STAT1: variants seen among roughly 807,000 people sequenced by gnomAD.
STAT1 encodes signal transducer and activator of transcription 1.
STAT1 carries 24 observed loss-of-function variants against 111.7 expected under a neutral mutation model. That is an observed-to-expected ratio of 0.21 (90% confidence interval 0.16 to 0.30). STAT1 has a LOEUF of 0.30. Ranked by LOEUF, STAT1 falls within the 10% of genes least tolerant of loss-of-function variation. The probability of loss-of-function intolerance (pLI) is 1.00; values close to 1 mark genes in which losing one functional copy is unlikely to be tolerated. For synonymous variants in STAT1, 332 were observed against 326.5 expected (o/e 1.02, Z -0.18); for missense variants, 351 against 911.9 (o/e 0.38, Z 7.92).
Position 190,995,204 on chromosome 2 carries a change from C to T in STAT1, c.801G>A (p.Ala267=), listed in dbSNP as rs146141778. The T allele has an allele frequency of 3.0e-5, 48 of 1,613,868 alleles. No individual in the cohort carries two copies. The East Asian group carries it at 4.0e-4, about 13-fold the overall frequency. ...DQLQNWFTIV[A]ESLQQVRQQL... ...GCTGCCGAACTTGCTGCAGACTCTC[C>T]GCAACTATAGTGAACCTGGGAAGAC... The change falls in exon 10 of 25, where the codon GCG becomes GCA. Residue 267 remains alanine, a synonymous_variant. Coordinates refer to ENST00000361099, the MANE Select transcript of STAT1 (RefSeq NM_007315.4). This position sits in a 1 kb window ranked among gnomAD's most constrained non-coding sequence, Gnocchi z 4.2.
rs1477711738 is a variant in STAT1 at position 190,999,211 on chromosome 2, A to G, written c.541+415T>C. Among the ~76,000 whole-genome samples, 1 of 152,154 alleles carries G rather than the reference A, an allele frequency of 6.6e-6. No individual in the cohort carries two copies. Among genetic ancestry groups the G allele is most frequent in the Non-Finnish European group, 1.5e-5 (1 of 68,022 alleles). Reference sequence around the variant, plus strand: ...GAAACCTGAGATATTAGGGCAGGGGAACTCCACATATCTATCGCTCTGTGT... The same window carrying G: ...GAAACCTGAGATATTAGGGCAGGGGGACTCCACATATCTATCGCTCTGTGT... On this transcript the variant is annotated intron_variant, in intron 7 of 24. Transcript: ENST00000361099. The surrounding 1 kb of genome is among the most constrained non-coding windows in gnomAD (Gnocchi z 4.1).
Position 190,973,732 on chromosome 2 carries a change from A to G in STAT1, c.2238+1098T>C, listed in dbSNP as rs768178130. On this transcript the variant is annotated intron_variant, in intron 24 of 24. Coordinates refer to ENST00000361099, the MANE Select transcript of STAT1 (RefSeq NM_007315.4). The surrounding 1 kb of genome is among the most constrained non-coding windows in gnomAD (Gnocchi z 4.4). ...GGAATGAAACTATTTCGCTGCCACA[A>G]TAGCTAACTGTTTTTCTAAATGGCC... Among the ~76,000 whole-genome samples the G allele has an allele frequency of 3.9e-5, 6 of 152,202 alleles. No individual in the cohort carries two copies. The highest frequency in any genetic ancestry group is 1.4e-4 in the African/African-American group (6 of 41,456).
rs1693966861 is a variant in STAT1, at chr2:190,997,777, T to C, written c.785+79A>G. The C allele has an allele frequency of 1.2e-6, 2 of 1,600,152 alleles. No individual in the cohort carries two copies. The highest frequency in any genetic ancestry group is 8.5e-7 in the Non-Finnish European group (1 of 1,171,590). On this transcript the variant is annotated intron_variant, in intron 9 of 24. Transcript: ENST00000361099. The surrounding 1 kb of genome is among the most constrained non-coding windows in gnomAD (Gnocchi z 7.3). ...AATGTTTTGACAGGGTCCATTCAAC[T>C]AACACAGCTCAAAGGTACATTTATG...
In STAT1 at chr2:190,994,953, TATATAA is replaced by T. The variant is rs377537988; in HGVS notation, c.944+102_944+107del. ...ATATATATATATATATATATATATA[TATATAA>T]AAAACACCTATTAAACCCTTGTAAA... On this transcript the variant is annotated intron_variant, in intron 10 of 24. Transcript: ENST00000361099. 1,236 of 404,662 alleles carry T rather than the reference TATATAA, an allele frequency of 3.1e-3. 44 individuals are homozygous for T. Among genetic ancestry groups the T allele is most frequent in the African/African-American group, 0.012 (474 of 38,040 alleles). The allele number at this position is 404,662 out of a possible 1,614,324, so 25.1% of individuals were successfully genotyped here.
chr2:190,988,911 G>C (rs967309241), intron 12 of STAT1, among the ~76,000 whole-genome samples: 3 of 150,398 alleles, frequency 2.0e-5, no homozygotes, highest in South Asian at 2.1e-4. Context: ...TGGGAGGGGT[G>C]GGGGGGGAGC....
At chr2:190,994,475 G>C (rs1294987757) in intron 10 of STAT1, among the ~76,000 whole-genome samples, 1 of 152,088 alleles carries the variant, frequency 6.6e-6, no homozygotes, top group Non-Finnish European at 1.5e-5. Flanking sequence ...CATGAGGAGG[G>C]GAGAGGAGGA....
chr2:191,009,779 T>G, intron 3 of STAT1, 97 bp downstream of exon 3: 2 of 1,495,234 alleles, frequency 1.3e-6, no homozygotes, highest in Non-Finnish European at 1.9e-6. Flanking sequence ...TGGCCATTGA[T>G]GGAATTCATC....
Position 190,994,947 on chromosome 2 carries a change from TATATATATATAA to T in STAT1, c.944+102_944+113del, listed in dbSNP as rs1369446542. The T allele has an allele frequency of 1.7e-4, 63 of 378,060 alleles. 1 individual carries two copies. Among genetic ancestry groups the T allele is most frequent in the Middle Eastern group, 8.8e-4 (1 of 1,140 alleles). The allele number at this position is 378,060 out of a possible 1,614,324, so 23.4% of individuals were successfully genotyped here. A position where few individuals can be genotyped will look rare whatever the true frequency, so the allele number is the denominator to read the frequency against. On this transcript the variant is annotated intron_variant, in intron 10 of 24. Transcript: ENST00000361099. ...AAAAAAATATATATATATATATATA[TATATATATATAA>T]AAAACACCTATTAAACCCTTGTAAA...
chr2:190,993,200 C>G lies in STAT1; in HGVS notation c.944+1861G>C, dbSNP rs1693521684. 1 of 542,902 alleles carries G rather than the reference C, an allele frequency of 1.8e-6. No individual in the cohort carries two copies. Among genetic ancestry groups the G allele is most frequent in the Admixed American group, 2.8e-5 (1 of 36,280 alleles). 33.6% of individuals were successfully genotyped at this position (542,902 alleles called of 1,614,324 possible). A position where few individuals can be genotyped will look rare whatever the true frequency, so the allele number is the denominator to read the frequency against. On this transcript the variant is annotated intron_variant, in intron 10 of 24. Coordinates refer to ENST00000361099, the MANE Select transcript of STAT1 (RefSeq NM_007315.4). This position sits in a 1 kb window ranked among gnomAD's most constrained non-coding sequence, Gnocchi z 4.1. The stretch of plus-strand genomic sequence containing the variant: ...CTCTGTGGTCAGATCACACTTGTTC[C>G]CTACCAACAATTTGTTGACGTTTTC...
Position 191,004,256 on chromosome 2 carries a change from A to T in STAT1, c.373-3093T>A, listed in dbSNP as rs191375011. ...TAACTTTTTAACTTTCTAAGAAACC[A>T]GGAGTACTGAAACCACGGGAATTTC... On this transcript the variant is annotated intron_variant, in intron 5 of 24. Coordinates refer to ENST00000361099, the MANE Select transcript of STAT1 (RefSeq NM_007315.4). This position sits in a 1 kb window ranked among gnomAD's most constrained non-coding sequence, Gnocchi z 5.0. Among the ~76,000 whole-genome samples the T allele has an allele frequency of 1.8e-3, 278 of 152,336 alleles. No individual in the cohort carries two copies. The highest frequency in any genetic ancestry group is 0.013 in the South Asian group (62 of 4,832).
At chr2:191,001,982 A>T (rs1437575779) in intron 5 of STAT1, among the ~76,000 whole-genome samples, 1 of 152,186 alleles carries the variant, frequency 6.6e-6, no homozygotes, top group South Asian at 2.1e-4. Flanking sequence ...AACCTTTCTT[A>T]CACAGTGCCC....
rs764609209 is a variant in STAT1 at position 190,992,628 on chromosome 2, G to C, written c.945-1308C>G. On this transcript the variant is annotated intron_variant, in intron 10 of 24. Transcript: ENST00000361099. Reference sequence around the variant, plus strand: ...AAATTTATTACTGTGAGAAAAGGATGGAGGCAAATTTTAGCAGGAACCTCC... The same window carrying C: ...AAATTTATTACTGTGAGAAAAGGATCGAGGCAAATTTTAGCAGGAACCTCC... 246 of 1,134,064 alleles carry C rather than the reference G, an allele frequency of 2.2e-4. 1 individual carries two copies. The highest frequency in any genetic ancestry group is 2.7e-4 in the Non-Finnish European group (239 of 878,414). The allele number at this position is 1,134,064 out of a possible 1,614,324, so 70.3% of individuals were successfully genotyped here. A position where few individuals can be genotyped will look rare whatever the true frequency, so the allele number is the denominator to read the frequency against.
Position 190,984,262 on chromosome 2 carries a change from A to G in STAT1, c.1347+48T>C, listed in dbSNP as rs746424323. On this transcript the variant is annotated intron_variant, in intron 16 of 24. Transcript: ENST00000361099. This position sits in a 1 kb window ranked among gnomAD's most constrained non-coding sequence, Gnocchi z 5.2. ...GAAATAAAAATACATGTAACAATTA[A>G]AAGTAAAAATAATGAAGTTTTCCAA... The G allele has an allele frequency of 7.1e-7, 1 of 1,415,058 alleles. No homozygotes were observed. The highest frequency in any genetic ancestry group is 1.2e-5 in the South Asian group (1 of 86,328). The allele number at this position is 1,415,058 out of a possible 1,614,324, so 87.7% of individuals were successfully genotyped here.
Position 190,987,916 on chromosome 2 carries a change from A to T in STAT1, c.1098-848T>A, listed in dbSNP as rs535248276. ...AAAAGGGATAGTATGATAAAAGCTG[A>T]CTTGTCAAAGCTAAGAAGACCGTCA... is the stretch of plus-strand genomic sequence containing the variant. On this transcript the variant is annotated intron_variant, in intron 12 of 24. Coordinates refer to ENST00000361099, the MANE Select transcript of STAT1 (RefSeq NM_007315.4). This position sits in a 1 kb window ranked among gnomAD's most constrained non-coding sequence, Gnocchi z 4.0. 6.6e-6 allele frequency among the ~76,000 whole-genome samples: 1 copy of T among 152,356 alleles called. No homozygotes were observed. Among genetic ancestry groups the T allele is most frequent in the South Asian group, 2.1e-4 (1 of 4,830 alleles).
intron 5 of STAT1, among the ~76,000 whole-genome samples, chr2:191,002,689 T>C (rs1268322660): frequency 6.6e-6 from 1 of 152,208 alleles, no homozygotes; most frequent in Admixed American, 6.5e-5. Flanking sequence ...ACCAATACGA[T>C]GCTAAATAGC....
chr2:191,013,961 G>C (rs574321996), intron 1 of STAT1, 57 bp downstream of exon 1: 10 of 289,972 alleles, frequency 3.4e-5, no homozygotes, highest in African/African-American at 1.9e-4. Flanking sequence ...TGCACGGCCC[G>C]AGGACTCTGT....
intron 15 of STAT1, among the ~76,000 whole-genome samples, chr2:190,985,326 G>A (rs1260453480): frequency 2.6e-5 from 4 of 152,198 alleles, no homozygotes; most frequent in Non-Finnish European, 5.9e-5. Context: ...AAACTTCTGT[G>A]AGTCAATTTC....
In STAT1 at chr2:190,975,968, A is replaced by C. The variant is rs183143194; in HGVS notation, c.2060-81T>G. On this transcript the variant is annotated intron_variant, in intron 22 of 24. Transcript: ENST00000361099. This position sits in a 1 kb window ranked among gnomAD's most constrained non-coding sequence, Gnocchi z 5.9. ...AACATCAACTTTTCGGGGGGATTAAAGTTCTACTGTGTTTCTAGACAGCTT... is the reference window on the plus strand; with the variant it reads ...AACATCAACTTTTCGGGGGGATTAACGTTCTACTGTGTTTCTAGACAGCTT... 1.7e-5 allele frequency: 21 copies of C among 1,243,680 alleles called. No individual in the cohort carries two copies. The highest frequency in any genetic ancestry group is 1.9e-4 in the Middle Eastern group (1 of 5,378). The allele number at this position is 1,243,680 out of a possible 1,614,324, so 77.0% of individuals were successfully genotyped here.
At position 190,981,235 on chromosome 2, in the gene STAT1, A is replaced by G. The variant is rs1262731241; in HGVS notation, c.1583-566T>C. Reference sequence around the variant, plus strand: ...CCAAGGATCCTACAGAATTTTTTTCAAAGTTCAACCTAGGTGCCCAAGATC... The same window carrying G: ...CCAAGGATCCTACAGAATTTTTTTCGAAGTTCAACCTAGGTGCCCAAGATC... On this transcript the variant is annotated intron_variant, in intron 18 of 24. Transcript: ENST00000361099. This position sits in a 1 kb window ranked among gnomAD's most constrained non-coding sequence, Gnocchi z 4.1. 6.6e-6 allele frequency among the ~76,000 whole-genome samples: 1 copy of G among 152,152 alleles called. No individual in the cohort carries two copies. Among genetic ancestry groups the G allele is most frequent in the African/African-American group, 2.4e-5 (1 of 41,424 alleles).
Sources: allele counts gnomAD v4.1 joint callset (sites outside exome capture counted in the v4.1 genomes callset), GRCh38; gene constraint gnomAD v4.1.1; non-coding constraint Gnocchi (gnomAD v3.1); transcripts MANE v1.5; gene names NCBI Gene and HGNC (gene_info 2026-07-23, HGNC 2026-07-21).